EPB41L4B: variants seen among roughly 807,000 people sequenced by gnomAD.
The protein encoded by EPB41L4B is band 4.1-like protein 4B.
In EPB41L4B, 30 loss-of-function variants were observed where a neutral mutation model predicts 112.5. The ratio of observed to expected loss-of-function variants is 0.27; its 90% CI spans 0.20 to 0.36. The LOEUF (loss-of-function observed/expected upper bound fraction) is 0.36. EPB41L4B is among the 10% of genes least tolerant of loss of function. EPB41L4B has a pLI of 1.00. For missense variants in EPB41L4B, 1,024 were observed against 1,133.3 expected (o/e 0.90, Z 1.38); for synonymous variants, 408 against 439.7 (o/e 0.93, Z 0.90).
chr9:109,216,536 G>A (rs1048935021), intron 16 of EPB41L4B, among the ~76,000 whole-genome samples: 1 of 151,834 alleles, frequency 6.6e-6, no homozygotes, highest in African/African-American at 2.4e-5. Context: ...AGCTACTCGG[G>A]AGGCTGAGGC....
chr9:109,199,623 C>T (rs1383004919), intron 20 of EPB41L4B, among the ~76,000 whole-genome samples: 6 of 152,150 alleles, frequency 3.9e-5, no homozygotes, highest in Non-Finnish European at 8.8e-5. Context: ...GCCAAGATCA[C>T]ACCACTGCAC....
At chr9:109,257,656 CAG>C (rs1210972264) in intron 7 of EPB41L4B, among the ~76,000 whole-genome samples, 1 of 152,110 alleles carries the variant, frequency 6.6e-6, no homozygotes, top group African/African-American at 2.4e-5. Flanking sequence ...GCTCTGTTTG[CAG>C]AGAGAGAAAA....
In EPB41L4B at chr9:109,255,859, G is replaced by A. The variant is rs752034188; in HGVS notation, c.930-16C>T. 6 of 1,608,596 alleles carry A rather than the reference G, an allele frequency of 3.7e-6. No individual in the cohort carries two copies. The highest frequency in any genetic ancestry group is 5.1e-6 in the Non-Finnish European group (6 of 1,178,136). ...AATTTTAGGCCTAGTCAGACAGAAA[G>A]CATTTTAAAAGCACAATCTGCAGTA... On this transcript the variant is annotated splice_polypyrimidine_tract_variant and intron_variant, in intron 9 of 25. Coordinates refer to ENST00000374566, the MANE Select transcript of EPB41L4B (RefSeq NM_019114.5).
At chr9:109,230,279 AGGTAACCTGGGCTCTCT>A (rs1387151689) in intron 15 of EPB41L4B, among the ~76,000 whole-genome samples, 2 of 152,222 alleles carry the variant, frequency 1.3e-5, no homozygotes, top group East Asian at 1.9e-4. Flanking sequence ...ATTTGAACCC[AGGTAACCTGGGCTCTCT>A]GAATTGCTAG....
chr9:109,319,329 G>T (rs1837751622), intron 1 of EPB41L4B, among the ~76,000 whole-genome samples: 1 of 152,152 alleles, frequency 6.6e-6, no homozygotes, highest in Non-Finnish European at 1.5e-5. Context: ...GCAGGCCCAG[G>T]CGCCGCCGCC....
chr9:109,319,186 T>A (rs1466180343), intron 1 of EPB41L4B, among the ~76,000 whole-genome samples: 1 of 152,240 alleles, frequency 6.6e-6, no homozygotes, highest in African/African-American at 2.4e-5. Flanking sequence ...GTGGTTTGAT[T>A]TGATCTGATC....
rs182884610 is a variant in EPB41L4B, at chr9:109,289,714, C to T, written c.307-9793G>A. ...ACATTGACGTTTTGGAAGCCATATC[C>T]CACTATGGCCTATCCTTGTGGCTAA... On this transcript the variant is annotated intron_variant, in intron 1 of 25. Transcript: ENST00000374566. 2.6e-4 allele frequency among the ~76,000 whole-genome samples: 40 copies of T among 152,310 alleles called. No individual in the cohort carries two copies. In the East Asian group the frequency reaches 6.6e-3, roughly 25 times the overall value.
intron 17 of EPB41L4B, among the ~76,000 whole-genome samples, chr9:109,211,775 G>T (rs1168540001): frequency 2.3e-4 from 33 of 144,882 alleles, no homozygotes; most frequent in Non-Finnish European, 4.1e-4. Context: ...CAGTGCAGTG[G>T]CAGGATCTCA....
At chr9:109,192,096 A>G (rs1187948557) in intron 22 of EPB41L4B, among the ~76,000 whole-genome samples, 182 bp downstream of exon 22, 2 of 152,108 alleles carry the variant, frequency 1.3e-5, no homozygotes, top group Non-Finnish European at 2.9e-5. Context: ...TTCCTCCCTC[A>G]AGGGCTCTAG....
chr9:109,313,432 G>C (rs1490580469), intron 1 of EPB41L4B, among the ~76,000 whole-genome samples: 3 of 147,930 alleles, frequency 2.0e-5, no homozygotes, highest in African/African-American at 7.8e-5. Context: ...TTAGGGTGGT[G>C]GGGGGGCACA....
intron 1 of EPB41L4B, among the ~76,000 whole-genome samples, chr9:109,293,766 A>C (rs2119190198): frequency 6.6e-6 from 1 of 151,884 alleles, no homozygotes; most frequent in Middle Eastern, 3.4e-3. Context: ...TCTGTTTAGG[A>C]GAAAGATGTT....
chr9:109,274,406 C>A (rs1835737239), intron 2 of EPB41L4B, among the ~76,000 whole-genome samples: 1 of 152,148 alleles, frequency 6.6e-6, no homozygotes, highest in Admixed American at 6.6e-5. Context: ...TCTTGGATAT[C>A]TTGTTCATTT....
At chr9:109,286,193 GTGGATGGA>G (rs1210969065) in intron 1 of EPB41L4B, among the ~76,000 whole-genome samples, 3 of 148,774 alleles carry the variant, frequency 2.0e-5, no homozygotes, top group African/African-American at 5.1e-5. Context: ...GGATGGATGG[GTGGATGGA>G]TGGATGGATG....
intron 16 of EPB41L4B, 22 bp from the exon 17 acceptor site, chr9:109,213,840 T>C: frequency 6.2e-7 from 1 of 1,604,520 alleles, no homozygotes; most frequent in South Asian, 1.1e-5. Context: ...CCAGGAGAAA[T>C]AAATAAGGAA....
At chr9:109,284,108 C>G (rs1488461385) in intron 1 of EPB41L4B, among the ~76,000 whole-genome samples, 2 of 152,018 alleles carry the variant, frequency 1.3e-5, no homozygotes, top group Non-Finnish European at 2.9e-5. Context: ...AAAAAACGCA[C>G]TTAATACACC....
At chr9:109,222,375 A>C (rs1335823595) in intron 15 of EPB41L4B, among the ~76,000 whole-genome samples, 1 of 152,204 alleles carries the variant, frequency 6.6e-6, no homozygotes, top group Non-Finnish European at 1.5e-5. Context: ...ATCATCCTGA[A>C]GATTCTAACA....
intron 2 of EPB41L4B, among the ~76,000 whole-genome samples, chr9:109,275,348 G>A (rs368412017): frequency 8.5e-5 from 13 of 152,298 alleles, no homozygotes; most frequent in African/African-American, 2.9e-4. Context: ...CAATAGCCAA[G>A]TGAACCATTC....
At chr9:109,185,695 G>C in intron 22 of EPB41L4B, 90 bp from the exon 23 acceptor site, 4 of 953,564 alleles carry the variant, frequency 4.2e-6, no homozygotes, top group Non-Finnish European at 6.3e-6. Flanking sequence ...AGGAGAGAAA[G>C]ACAGCACAGT....
intron 1 of EPB41L4B, among the ~76,000 whole-genome samples, chr9:109,301,949 G>A (rs1836985665): frequency 6.6e-6 from 1 of 152,128 alleles, no homozygotes; most frequent in Non-Finnish European, 1.5e-5. Flanking sequence ...AACCATTTTT[G>A]TCAATAAACT....
Sources: allele counts gnomAD v4.1 joint callset (sites outside exome capture counted in the v4.1 genomes callset), GRCh38; gene constraint gnomAD v4.1.1; transcripts MANE v1.5; gene names NCBI Gene and HGNC (gene_info 2026-07-23, HGNC 2026-07-21).